Variants in ADGRL3 observed in about 807,000 individuals in gnomAD.
The protein encoded by ADGRL3 is adhesion G protein-coupled receptor L3, also known as calcium-independent alpha-latrotoxin receptor 3.
Under a neutral mutation model 153.5 loss-of-function variants are expected in ADGRL3, and 62 were observed. That is an observed-to-expected ratio of 0.40 (90% CI 0.33 to 0.50). The LOEUF is 0.50. Among genes scored for constraint, ADGRL3 ranks in the 20% least tolerant of loss-of-function variants. ADGRL3 has a pLI of 0.47. For synonymous variants in ADGRL3, 710 were observed against 672.5 expected (o/e 1.06, Z -0.86); for missense variants, 1,641 against 1,859.4 (o/e 0.88, Z 2.16).
At chr4:61,722,402 A>C (rs2151659835) in intron 6 of ADGRL3, among the ~76,000 whole-genome samples, 1 of 152,296 alleles carries the variant, frequency 6.6e-6, no homozygotes, top group Middle Eastern at 3.4e-3. Context: ...AGAAAAAAAC[A>C]AAACACCAAC....
intron 2 of ADGRL3, among the ~76,000 whole-genome samples, chr4:61,406,186 TAA>T (rs545784413): frequency 3.4e-5 from 5 of 145,914 alleles, no homozygotes; most frequent in African/African-American, 7.5e-5. Context: ...AAACTGAGGA[TAA>T]AAAAAAAAAT....
rs74906831 is a variant in ADGRL3, at chr4:61,811,874, G to A, written c.1400-1935G>A. ...GAGTGTTTTGTGGTTATTGTCTTAG[G>A]TGATGAAAGCAATGTTCCAGTATTA... On this transcript the variant is annotated intron_variant, in intron 8 of 26. Transcript: ENST00000683033. Among the ~76,000 whole-genome samples the A allele has an allele frequency of 8.5e-3, 1,298 of 152,168 alleles. 21 individuals carry two copies. Among genetic ancestry groups the A allele is most frequent in the African/African-American group, 0.03 (1,240 of 41,508 alleles).
intron 1 of ADGRL3, among the ~76,000 whole-genome samples, chr4:61,320,752 A>G (rs1481328258): frequency 6.6e-6 from 1 of 152,192 alleles, no homozygotes; most frequent in East Asian, 1.9e-4. Context: ...CTTAAAATTA[A>G]CTATCACACT....
At chr4:61,679,665 G>T (rs1029411549) in intron 6 of ADGRL3, among the ~76,000 whole-genome samples, 3 of 151,952 alleles carry the variant, frequency 2.0e-5, no homozygotes, top group Non-Finnish European at 2.9e-5. Context: ...CTTGTTATGT[G>T]TATCACCATT....
At chr4:61,697,738 G>A (rs996869950) in intron 6 of ADGRL3, among the ~76,000 whole-genome samples, 1 of 152,110 alleles carries the variant, frequency 6.6e-6, no homozygotes, top group Non-Finnish European at 1.5e-5. Flanking sequence ...GCCCAGTATA[G>A]GAGGTGTAAG....
At chr4:61,759,730 G>A (rs1462462381) in intron 8 of ADGRL3, among the ~76,000 whole-genome samples, 3 of 152,160 alleles carry the variant, frequency 2.0e-5, no homozygotes, top group Non-Finnish European at 4.4e-5. Context: ...GCGTTCCTTT[G>A]GAGGAGGAGA....
chr4:61,990,572 G>A (rs1025727798), intron 19 of ADGRL3, among the ~76,000 whole-genome samples: 1 of 151,878 alleles, frequency 6.6e-6, no homozygotes, highest in African/African-American at 2.4e-5. Flanking sequence ...AAATCATATT[G>A]CAGTGAAGCT....
intron 25 of ADGRL3, among the ~76,000 whole-genome samples, chr4:62,065,364 A>G (rs1742444193): frequency 6.6e-6 from 1 of 152,004 alleles, no homozygotes; most frequent in Non-Finnish European, 1.5e-5. Flanking sequence ...TCATTGTAGC[A>G]CTCAATGAAT....
chr4:62,026,584 A>G (rs1718702425), intron 21 of ADGRL3, among the ~76,000 whole-genome samples: 1 of 152,090 alleles, frequency 6.6e-6, no homozygotes, highest in Non-Finnish European at 1.5e-5. Context: ...TCACCATTGC[A>G]AACTTTGTAT....
chr4:62,028,100 T>A (rs938227629), intron 21 of ADGRL3, among the ~76,000 whole-genome samples: 1 of 151,792 alleles, frequency 6.6e-6, no homozygotes, highest in African/African-American at 2.4e-5. Context: ...AAAGGAACAG[T>A]TTCTCTTCTT....
chr4:61,389,879 C>T (rs1160096619), intron 2 of ADGRL3, among the ~76,000 whole-genome samples: 2 of 152,118 alleles, frequency 1.3e-5, no homozygotes, highest in Admixed American at 1.3e-4. Context: ...ATGATAGCTG[C>T]CAGTCAGTTG....
chr4:61,648,277 A>T (rs917717080), intron 5 of ADGRL3, among the ~76,000 whole-genome samples: 6 of 151,966 alleles, frequency 3.9e-5, no homozygotes, highest in Non-Finnish European at 8.8e-5. Flanking sequence ...TAAAATATGT[A>T]AAAGAAGAAA....
chr4:61,834,739 G>A (rs2097913771), intron 9 of ADGRL3, among the ~76,000 whole-genome samples: 1 of 152,154 alleles, frequency 6.6e-6, no homozygotes, highest in African/African-American at 2.4e-5. Context: ...GGGGTCCAAG[G>A]CTTGCATGAC....
In ADGRL3 at chr4:62,037,897, T is replaced by C. The variant is rs113586614; in HGVS notation, c.3717+41T>C. 1.4e-4 allele frequency: 231 copies of C among 1,610,738 alleles called. 1 individual carries two copies. The African/African-American group carries it at 2.5e-3, about 17-fold the overall frequency. ...TCACTGAAATGAAGTAATTCTTAAC[T>C]ATACCAGTTACTGTCCCTTATGATT... On this transcript the variant is annotated intron_variant, in intron 24 of 26. Transcript: ENST00000683033.
At chr4:61,648,348 G>C (rs2094118965) in intron 5 of ADGRL3, among the ~76,000 whole-genome samples, 1 of 91,228 alleles carries the variant, frequency 1.1e-5, no homozygotes, top group South Asian at 3.6e-4. Flanking sequence ...AATGAAATCG[G>C]CTTTTTTTTT....
intron 4 of ADGRL3, among the ~76,000 whole-genome samples, chr4:61,556,429 G>A (rs545766427): frequency 6.6e-6 from 1 of 152,210 alleles, no homozygotes; most frequent in East Asian, 1.9e-4. Context: ...AGAGCAGCAG[G>A]GAGGGAGCAG....
chr4:61,562,925 A>T (rs1475580506), intron 4 of ADGRL3, among the ~76,000 whole-genome samples: 1 of 142,928 alleles, frequency 7.0e-6, no homozygotes, highest in East Asian at 2.1e-4. Context: ...AGCCTGGATG[A>T]CAGAGCAAGA....
At chr4:61,812,237 G>A (rs924684962) in intron 8 of ADGRL3, among the ~76,000 whole-genome samples, 3 of 152,074 alleles carry the variant, frequency 2.0e-5, no homozygotes, top group Admixed American at 2.0e-4. Context: ...ACTGAAACAT[G>A]GCCAGTGAAT....
chr4:61,967,774 G>T (rs2150587385), intron 17 of ADGRL3, among the ~76,000 whole-genome samples: 1 of 152,312 alleles, frequency 6.6e-6, no homozygotes, highest in Non-Finnish European at 1.5e-5. Context: ...AGGATTAATA[G>T]TTGTAAAGCA....
Sources: allele counts gnomAD v4.1 joint callset (sites outside exome capture counted in the v4.1 genomes callset), GRCh38; gene constraint gnomAD v4.1.1; transcripts MANE v1.5; gene names NCBI Gene and HGNC (gene_info 2026-07-23, HGNC 2026-07-21).